RPTOR: variants seen among roughly 807,000 people sequenced by gnomAD.
RPTOR encodes the protein regulatory associated protein of MTOR complex 1, also known as regulatory-associated protein of mTOR.
Under a neutral mutation model 169.9 loss-of-function variants are expected in RPTOR, and 21 were observed. The observed-to-expected ratio is 0.12, with a 90% CI of 0.09 to 0.18. The LOEUF (loss-of-function observed/expected upper bound fraction) is 0.18. RPTOR is among the 10% of genes least tolerant of loss of function. RPTOR has a pLI of 1.00. For synonymous variants in RPTOR, 732 were observed against 753.2 expected, an observed-to-expected ratio of 0.97 and a Z score of 0.46; for missense variants, 1,133 against 1,855.9, an observed-to-expected ratio of 0.61 and a Z score of 7.16.
chr17:80,945,201 G>A (rs572033228), intron 25 of RPTOR, among the ~76,000 whole-genome samples: 5 of 152,194 alleles, frequency 3.3e-5, no homozygotes, highest in Admixed American at 1.3e-4. Context: ...GAGTTGAGGC[G>A]GGAGGATCAC....
chr17:80,587,026 G>A (rs188674182), intron 1 of RPTOR, among the ~76,000 whole-genome samples: 2 of 152,364 alleles, frequency 1.3e-5, no homozygotes, highest in African/African-American at 4.8e-5. Context: ...TGTAAGCTTC[G>A]AGAATGTGCT....
intron 23 of RPTOR, among the ~76,000 whole-genome samples, chr17:80,924,931 C>G (rs902460295): frequency 6.6e-6 from 1 of 152,266 alleles, no homozygotes; most frequent in African/African-American, 2.4e-5. Flanking sequence ...GCCTGCAAAG[C>G]TGTGCGCTCC....
intron 1 of RPTOR, among the ~76,000 whole-genome samples, chr17:80,616,444 G>A (rs902371463): frequency 1.3e-5 from 2 of 151,908 alleles, no homozygotes; most frequent in African/African-American, 4.8e-5. Context: ...GATTATGGGT[G>A]CACACCACCA....
intron 1 of RPTOR, among the ~76,000 whole-genome samples, chr17:80,561,972 G>C (rs1027455978): frequency 6.6e-6 from 1 of 152,178 alleles, no homozygotes; most frequent in Non-Finnish European, 1.5e-5. Flanking sequence ...GTGTGTACAT[G>C]TTTATACGTA....
At chr17:80,733,807 C>T (rs377095049) in intron 5 of RPTOR, among the ~76,000 whole-genome samples, 5 of 152,252 alleles carry the variant, frequency 3.3e-5, no homozygotes, top group African/African-American at 1.2e-4. Context: ...CTTGCGTTCC[C>T]TCTTATTCAC....
At chr17:80,624,912 A>G (rs1025303931) in intron 1 of RPTOR, among the ~76,000 whole-genome samples, 11 of 152,206 alleles carry the variant, frequency 7.2e-5, no homozygotes, top group Non-Finnish European at 5.9e-5. Flanking sequence ...AGGAAAGGAC[A>G]GGTGTGATCG....
rs2067906254 is a variant in RPTOR at position 80,860,532 on chromosome 17, A to C, written c.1509+2632A>C. Among the ~76,000 whole-genome samples the C allele has an allele frequency of 6.6e-6, 1 of 151,298 alleles. No individual in the cohort carries two copies. Among genetic ancestry groups the C allele is most frequent in the South Asian group, 2.1e-4 (1 of 4,772 alleles). On this transcript the variant is annotated intron_variant, in intron 13 of 33. Coordinates refer to ENST00000306801, the MANE Select transcript of RPTOR (RefSeq NM_020761.3). The surrounding 1 kb of genome is among the most constrained non-coding windows in gnomAD (Gnocchi z 5.8). Reference sequence around the variant, plus strand: ...CCAGCCCTGACCATAGCCTCCCCACACCCCAAGTCCTCACGTACTACTTTG... The same window carrying C: ...CCAGCCCTGACCATAGCCTCCCCACCCCCCAAGTCCTCACGTACTACTTTG...
chr17:80,738,631 C>A (rs2066454796), intron 5 of RPTOR, among the ~76,000 whole-genome samples: 1 of 152,166 alleles, frequency 6.6e-6, no homozygotes, highest in Non-Finnish European at 1.5e-5. Context: ...CCACATACGG[C>A]AATCTCCTAC....
intron 2 of RPTOR, among the ~76,000 whole-genome samples, chr17:80,638,663 A>G (rs542561166): frequency 6.6e-6 from 1 of 152,310 alleles, no homozygotes; most frequent in African/African-American, 2.4e-5. Context: ...TCAAGGTGGT[A>G]TCTCTGCTTC....
chr17:80,892,422 G>A (rs942282923), intron 18 of RPTOR, among the ~76,000 whole-genome samples: 39 of 152,216 alleles, frequency 2.6e-4, no homozygotes, highest in Admixed American at 1.1e-3. Context: ...CGGGGAGCAC[G>A]GCTCACGGCC....
chr17:80,553,867 G>A (rs926972977), intron 1 of RPTOR, among the ~76,000 whole-genome samples: 3 of 151,978 alleles, frequency 2.0e-5, no homozygotes, highest in African/African-American at 7.3e-5. Context: ...TCAGCCTCCT[G>A]AGTAGTTGGG....
rs1274724872 is a variant in RPTOR at position 80,707,555 on chromosome 17, T to TA, written c.349-286_349-285insA. ...GGTGTGTGCCACCACACCTGGCTAA[T>TA]TTTTTTTTTTTTTAATTGTAGAGAT... On this transcript the variant is annotated intron_variant, in intron 3 of 33. Coordinates refer to ENST00000306801, the MANE Select transcript of RPTOR (RefSeq NM_020761.3). The surrounding 1 kb of genome is among the most constrained non-coding windows in gnomAD (Gnocchi z 5.0). 7.0e-6 allele frequency among the ~76,000 whole-genome samples: 1 copy of TA among 143,214 alleles called. No individual in the cohort carries two copies. The highest frequency in any genetic ancestry group is 2.5e-5 in the African/African-American group (1 of 39,622). The allele number at this position is 143,214 out of a possible 152,430, so 94.0% of individuals were successfully genotyped here.
intron 9 of RPTOR, among the ~76,000 whole-genome samples, chr17:80,837,003 A>G (rs747029730): frequency 2.6e-5 from 4 of 152,120 alleles, no homozygotes; most frequent in Non-Finnish European, 5.9e-5. Context: ...GGATGAGAGC[A>G]GGCAGGGAAA....
chr17:80,612,503 A>G (rs2065278514), intron 1 of RPTOR, among the ~76,000 whole-genome samples: 1 of 152,214 alleles, frequency 6.6e-6, no homozygotes, highest in African/African-American at 2.4e-5. Context: ...TGTGTTGTAA[A>G]TCTGACTTGC....
rs975896774 is a variant in RPTOR, at chr17:80,907,600, A to G, written c.2402-1211A>G. Among the ~76,000 whole-genome samples, 14 of 152,350 alleles carry G rather than the reference A, an allele frequency of 9.2e-5. No homozygotes were observed. The East Asian group carries it at 1.7e-3, about 19-fold the overall frequency. On this transcript the variant is annotated intron_variant, in intron 20 of 33. Coordinates refer to ENST00000306801, the MANE Select transcript of RPTOR (RefSeq NM_020761.3). Reference sequence around the variant, plus strand: ...TCAGCCTCCTCCCTGGCCTCAGCCAATGCTGACTGTGCCAGGAGCCCACAT... The same window carrying G: ...TCAGCCTCCTCCCTGGCCTCAGCCAGTGCTGACTGTGCCAGGAGCCCACAT...
chr17:80,765,653 A>G (rs1403206161), intron 6 of RPTOR, among the ~76,000 whole-genome samples: 2 of 151,676 alleles, frequency 1.3e-5, no homozygotes, highest in African/African-American at 4.8e-5. Flanking sequence ...GACAGCCTCA[A>G]CTCTGTTGTT....
At chr17:80,581,400 C>T (rs1373705400) in intron 1 of RPTOR, among the ~76,000 whole-genome samples, 5 of 152,394 alleles carry the variant, frequency 3.3e-5, no homozygotes, top group African/African-American at 9.6e-5. Flanking sequence ...TAATCATTGT[C>T]CATTTTTGGG....
At chr17:80,821,412 G>T (rs1229899808) in intron 7 of RPTOR, among the ~76,000 whole-genome samples, 2 of 152,174 alleles carry the variant, frequency 1.3e-5, no homozygotes, top group African/African-American at 4.8e-5. Flanking sequence ...CATGCTTATG[G>T]CTCTGAACAC....
chr17:80,950,742 TG>T (rs2069165683), intron 28 of RPTOR, among the ~76,000 whole-genome samples: 1 of 152,084 alleles, frequency 6.6e-6, no homozygotes, highest in East Asian at 1.9e-4. Context: ...ATGGCCAGCC[TG>T]GGGGTCAGGC....
Sources: gnomAD v4.1 joint callset for allele counts (sites outside exome capture counted in the v4.1 genomes callset) on GRCh38, gnomAD v4.1.1 for gene constraint, Gnocchi (gnomAD v3.1) non-coding constraint, MANE v1.5 for transcripts, NCBI Gene and HGNC (gene_info 2026-07-23, HGNC 2026-07-21) for gene names.